The following TET1 variants were observed in gnomAD, a reference collection of about 807,000 sequenced individuals.
The protein encoded by TET1 is methylcytosine dioxygenase TET1.
In TET1, 13 loss-of-function variants were observed where a neutral mutation model predicts 148.7. The ratio of observed to expected loss-of-function variants is 0.09; its 90% CI spans 0.06 to 0.14. TET1 has a LOEUF of 0.14. Among genes scored for constraint, TET1 ranks in the 10% least tolerant of loss-of-function variants. The pLI is 1.00. For synonymous variants in TET1, 907 were observed against 937.2 expected (o/e 0.97, Z 0.59); for missense variants, 2,182 against 2,553.8 (o/e 0.85, Z 3.14).
chr10:68,646,288 T>C lies in TET1; in HGVS notation c.3559T>C (p.Cys1187Arg). 3 of 1,614,194 alleles carry C rather than the reference T, an allele frequency of 1.9e-6. No homozygotes were observed. Among genetic ancestry groups the C allele is most frequent in the Non-Finnish European group, 2.5e-6 (3 of 1,180,034 alleles). ...EKLSYMYGTI[C>R]DIWIASKFQN... is the part of the protein sequence containing the mutation. Reference sequence around the variant, plus strand: ...GTTGTCCTATATGTATGGCACAATATGCGACATTTGGATAGCATCGAAATT... The same window carrying C: ...GTTGTCCTATATGTATGGCACAATACGCGACATTTGGATAGCATCGAAATT... The change falls in exon 4 of 12, where the codon TGC (cysteine) becomes CGC (arginine). Residue 1187 changes from cysteine to arginine, a missense_variant. Physicochemically the swap from Cys to Arg is radical, Grantham distance 180. This residue lies in a region of TET1 where 582 missense variants were observed against 599.5 expected (regional missense o/e 0.97). Transcript: ENST00000373644.
In TET1 at chr10:68,651,910, T is replaced by C; in HGVS notation, c.4341T>C (p.Ala1447=). The part of the protein sequence containing the change: ...YTHLGAGPSV[A]AVREIMENRY... The stretch of plus-strand genomic sequence containing the variant: ...ACCTTGGGGCAGGACCAAGTGTTGC[T>C]GCTGTCAGGGAAATCATGGAGAATA... The change falls in exon 5 of 12, where the codon GCT becomes GCC. Residue 1447 remains alanine, a synonymous_variant. Coordinates refer to ENST00000373644, the MANE Select transcript of TET1 (RefSeq NM_030625.3). 1 of 1,614,054 alleles carries C rather than the reference T, an allele frequency of 6.2e-7. No individual in the cohort carries two copies. Among genetic ancestry groups the C allele is most frequent in the Non-Finnish European group, 8.5e-7 (1 of 1,179,968 alleles).
At position 68,692,384 on chromosome 10, in the gene TET1, T is replaced by C. The variant is rs983835472; in HGVS notation, c.*570T>C. ...TCTCCTGTGTAAAATAAATCATTGT[T>C]GTTAGTAATGGTTGGAGGCTGTTCA... On this transcript the variant is annotated 3_prime_UTR_variant, in exon 12 of 12. Transcript: ENST00000373644. The C allele has an allele frequency of 8.6e-6, 2 of 232,066 alleles. No homozygotes were observed. The highest frequency in any genetic ancestry group is 2.2e-5 in the African/African-American group (1 of 45,298). 14.4% of individuals were successfully genotyped at this position (232,066 alleles called of 1,614,324 possible). A position where few individuals can be genotyped will look rare whatever the true frequency, so the allele number is the denominator to read the frequency against.
chr10:68,611,065 G>A (rs1000976751), intron 3 of TET1, among the ~76,000 whole-genome samples: 2 of 152,258 alleles, frequency 1.3e-5, no homozygotes, highest in Admixed American at 6.5e-5. Flanking sequence ...GAGGCCGAAG[G>A]TGGTGGGTCA....
In TET1 at chr10:68,692,167, T is replaced by G. The variant is rs898552181; in HGVS notation, c.*353T>G. The stretch of plus-strand genomic sequence containing the variant: ...TTAGAGGATTTTAACAGGTTCATGT[T>G]CTATGATGTAAAATCAAGACACACA... On this transcript the variant is annotated 3_prime_UTR_variant, in exon 12 of 12. Transcript: ENST00000373644. 3 of 284,412 alleles carry G rather than the reference T, an allele frequency of 1.1e-5. No individual in the cohort carries two copies. The highest frequency in any genetic ancestry group is 4.3e-5 in the African/African-American group (2 of 46,700). The allele number at this position is 284,412 out of a possible 1,614,324, so 17.6% of individuals were successfully genotyped here.
chr10:68,678,943 A>T (rs957877750), intron 8 of TET1, among the ~76,000 whole-genome samples: 3 of 152,134 alleles, frequency 2.0e-5, no homozygotes, highest in African/African-American at 7.2e-5. Context: ...TGGAAAGCTG[A>T]GGCAGGTGGA....
At chr10:68,651,202 G>A (rs1192549468) in intron 4 of TET1, among the ~76,000 whole-genome samples, 1 of 152,068 alleles carries the variant, frequency 6.6e-6, no homozygotes, top group African/African-American at 2.4e-5. Flanking sequence ...CAATGAAATT[G>A]CTCAATTTTC....
rs1277679645 is a variant in TET1 at position 68,672,841 on chromosome 10, T to C, written c.4674-54T>C. ...AGCTATAGAAACCTGAAATGTTCTC[T>C]CTGAGGTATTGTAATGCTTCATCAA... On this transcript the variant is annotated intron_variant, in intron 7 of 11. Transcript: ENST00000373644. 3.9e-6 allele frequency: 6 copies of C among 1,523,518 alleles called. No individual in the cohort carries two copies. In the East Asian group the frequency reaches 1.1e-4, roughly 29 times the overall value. The allele number at this position is 1,523,518 out of a possible 1,614,324, so 94.4% of individuals were successfully genotyped here. A position where few individuals can be genotyped will look rare whatever the true frequency, so the allele number is the denominator to read the frequency against.
intron 3 of TET1, among the ~76,000 whole-genome samples, chr10:68,605,468 A>G (rs570817914): frequency 1.3e-5 from 2 of 152,352 alleles, no homozygotes; most frequent in South Asian, 2.1e-4. Flanking sequence ...TCATCTAGGG[A>G]AAGATACTTA....
intron 3 of TET1, among the ~76,000 whole-genome samples, chr10:68,638,617 T>G (rs1251819079): frequency 6.6e-6 from 1 of 152,182 alleles, no homozygotes; most frequent in Non-Finnish European, 1.5e-5. Context: ...CTGAGCTACC[T>G]CTAGTAAAGG....
At chr10:68,632,086 AG>A (rs2133031473) in intron 3 of TET1, among the ~76,000 whole-genome samples, 1 of 152,116 alleles carries the variant, frequency 6.6e-6, no homozygotes, top group Admixed American at 6.6e-5. Flanking sequence ...GCACTTTGGA[AG>A]GCCTAGGCGG....
chr10:68,635,108 A>T (rs28493984), intron 3 of TET1, among the ~76,000 whole-genome samples: 1 of 146,462 alleles, frequency 6.8e-6, no homozygotes, highest in South Asian at 2.3e-4. Flanking sequence ...TATATATATA[A>T]TATATATATT....
chr10:68,589,790 A>G (rs1304172612), intron 2 of TET1, among the ~76,000 whole-genome samples: 1 of 146,538 alleles, frequency 6.8e-6, no homozygotes, highest in Non-Finnish European at 1.5e-5. Context: ...TCATGCCTCT[A>G]CCTCCCAAGT....
Position 68,641,471 on chromosome 10 carries a change from C to CATTTATTT in TET1, c.1969-3205_1969-3198dup, listed in dbSNP as rs35059085. Reference sequence around the variant, plus strand: ...TGGTCTCCTATTCCCAGGAGGTTACCATTTATTTATTTATTTATTTATTTA... The same window carrying CATTTATTT: ...TGGTCTCCTATTCCCAGGAGGTTACCATTTATTTATTTATTTATTTATTTATTTATTTA... On this transcript the variant is annotated intron_variant, in intron 3 of 11. Transcript: ENST00000373644. 4.4e-3 allele frequency among the ~76,000 whole-genome samples: 648 copies of CATTTATTT among 148,348 alleles called. 6 individuals carry two copies. Among genetic ancestry groups the CATTTATTT allele is most frequent in the African/African-American group, 0.015 (605 of 40,578 alleles).
Position 68,632,315 on chromosome 10 carries a change from C to A in TET1, c.1969-12383C>A, listed in dbSNP as rs1324779651. On this transcript the variant is annotated intron_variant, in intron 3 of 11. Coordinates refer to ENST00000373644, the MANE Select transcript of TET1 (RefSeq NM_030625.3). ...CCAGCCTGGGTGACAGAGCCAGATT[C>A]CCTTTCAAAAAAAAAAGAAAGGGTG... 8.4e-6 allele frequency: 12 copies of A among 1,421,718 alleles called. No homozygotes were observed. In the East Asian group the frequency reaches 2.4e-4, roughly 28 times the overall value. The allele number at this position is 1,421,718 out of a possible 1,614,324, so 88.1% of individuals were successfully genotyped here.
At position 68,644,948 on chromosome 10, in the gene TET1, A is replaced by G. The variant is rs1482597422; in HGVS notation, c.2219A>G (p.Glu740Gly). 5 of 1,613,156 alleles carry G rather than the reference A, an allele frequency of 3.1e-6. No homozygotes were observed. Among genetic ancestry groups the G allele is most frequent in the Non-Finnish European group, 4.2e-6 (5 of 1,179,650 alleles). ...VPEAEKSKNS[E>G]VDKKRTKSPK... The stretch of plus-strand genomic sequence containing the variant: ...GAAGCTGAAAAATCGAAAAACTCTG[A>G]AGTTGACAAGAAACGAACCAAATCT... The change falls in exon 4 of 12, where the codon GAA becomes GGA. Residue 740 changes from glutamate (E) to glycine (G), a missense_variant. Physicochemically the swap from Glu to Gly is moderately conservative, Grantham distance 98 (BLOSUM62 -2). This residue lies in a region of TET1 where 226 missense variants were observed against 307.4 expected (regional missense o/e 0.74). Coordinates refer to ENST00000373644, the MANE Select transcript of TET1 (RefSeq NM_030625.3).
intron 10 of TET1, 108 bp downstream of exon 10, chr10:68,683,081 GTGT>G (rs1341070369): frequency 1.5e-6 from 2 of 1,317,470 alleles, no homozygotes; most frequent in Non-Finnish European, 2.1e-6. Flanking sequence ...CTTAATTTAT[GTGT>G]TATTAGAAAT....
chr10:68,639,432 A>G (rs2054705885), intron 3 of TET1, among the ~76,000 whole-genome samples: 1 of 133,700 alleles, frequency 7.5e-6, no homozygotes, highest in Non-Finnish European at 1.6e-5. Context: ...AAAGATTACT[A>G]TTACTATTAT....
chr10:68,641,048 T>C (rs997426247), intron 3 of TET1, among the ~76,000 whole-genome samples: 3 of 150,838 alleles, frequency 2.0e-5, no homozygotes, highest in Non-Finnish European at 4.4e-5. Flanking sequence ...TGAGGCTGCT[T>C]ACTAGATACA....
At chr10:68,653,287 C>T (rs2054967751) in intron 6 of TET1, among the ~76,000 whole-genome samples, 1 of 152,110 alleles carries the variant, frequency 6.6e-6, no homozygotes, top group African/African-American at 2.4e-5. Flanking sequence ...TACATCTCTT[C>T]ATTATTGATG....
Sources: gnomAD v4.1 joint callset for allele counts (sites outside exome capture counted in the v4.1 genomes callset) on GRCh38, gnomAD v4.1.1 for gene constraint, gnomAD v4.1.1 regional missense constraint, MANE v1.5 for transcripts, NCBI Gene and HGNC (gene_info 2026-07-23, HGNC 2026-07-21) for gene names.